Variants in CLVS1 observed in about 807,000 individuals in gnomAD.
CLVS1 encodes the protein clavesin 1, also known as clavesin-1.
In CLVS1, 10 loss-of-function variants were observed where a neutral mutation model predicts 33.1. The observed-to-expected ratio is 0.30, with a 90% confidence interval of 0.19 to 0.51. CLVS1 has a LOEUF of 0.51. Ranked by LOEUF, CLVS1 falls within the 20% of genes least tolerant of loss-of-function variation. The pLI is 0.97. For missense variants in CLVS1, 343 were observed against 433.4 expected, an observed-to-expected ratio of 0.79 and a Z score of 1.85; for synonymous variants, 163 against 166.1, an observed-to-expected ratio of 0.98 and a Z score of 0.14.
chr8:61,007,529 C>T, the CLVS1 span, among the ~76,000 whole-genome samples: 1 of 152,306 alleles, frequency 6.6e-6, no homozygotes, highest in South Asian at 2.1e-4. Context: ...AAACCTGAGA[C>T]AGGCATAGAA....
Position 61,366,590 on chromosome 8 carries a change from G to A in CLVS1, c.456-10015G>A, listed in dbSNP as rs1440765841. The stretch of plus-strand genomic sequence containing the variant: ...AGAGTAAGGAAATTCAACCACTAGT[G>A]ATCTCAGTGTTGGTCAAGGCAAGTT... On this transcript the variant is annotated intron_variant, in intron 2 of 5. Transcript: ENST00000325897. Among the ~76,000 whole-genome samples the A allele has an allele frequency of 2.6e-5, 4 of 152,170 alleles. No homozygotes were observed. The South Asian group carries it at 8.3e-4, about 31-fold the overall frequency.
At chr8:61,039,136 A>T in the CLVS1 span, among the ~76,000 whole-genome samples, 4 of 152,270 alleles carry the variant, frequency 2.6e-5, no homozygotes, top group East Asian at 7.7e-4. Flanking sequence ...GTATTTTTAT[A>T]TGTGTTATAT....
chr8:61,195,034 T>C (rs1276672679), intron 2 of CLVS1, among the ~76,000 whole-genome samples: 1 of 151,902 alleles, frequency 6.6e-6, no homozygotes, highest in East Asian at 1.9e-4. Flanking sequence ...GAAAATATTA[T>C]ATATCAAAAC....
At chr8:61,310,916 G>A (rs1478608623) in intron 2 of CLVS1, among the ~76,000 whole-genome samples, 1 of 152,172 alleles carries the variant, frequency 6.6e-6, no homozygotes, top group African/African-American at 2.4e-5. Context: ...TACCAGTGTT[G>A]TGACCTTGGC....
At chr8:61,428,427 T>A (rs1815976085) in intron 3 of CLVS1, among the ~76,000 whole-genome samples, 1 of 152,138 alleles carries the variant, frequency 6.6e-6, no homozygotes, top group Non-Finnish European at 1.5e-5. Context: ...TGGCTAATAA[T>A]AAAATAGTAA....
intron 2 of CLVS1, among the ~76,000 whole-genome samples, chr8:61,206,114 C>T (rs1361896964): frequency 6.6e-6 from 1 of 152,114 alleles, no homozygotes; most frequent in African/African-American, 2.4e-5. Flanking sequence ...TCATTCTATT[C>T]AGCAAATTTG....
intron 1 of CLVS1, among the ~76,000 whole-genome samples, chr8:61,088,110 C>T (rs1445204542): frequency 6.6e-6 from 1 of 152,198 alleles, no homozygotes; most frequent in Non-Finnish European, 1.5e-5. Flanking sequence ...TAATTGTGTG[C>T]TTCACTGATT....
At chr8:61,421,152 C>T (rs1348418431) in intron 3 of CLVS1, among the ~76,000 whole-genome samples, 3 of 152,114 alleles carry the variant, frequency 2.0e-5, no homozygotes, top group Non-Finnish European at 4.4e-5. Context: ...GAGGCAGACT[C>T]TTTGAAACAT....
chr8:61,048,513 C>G, the CLVS1 span, among the ~76,000 whole-genome samples: 1,638 of 152,274 alleles, frequency 0.011, 21 homozygotes, highest in African/African-American at 0.037. Flanking sequence ...CTGTGTGTGC[C>G]AGTAGCTAAC....
chr8:61,224,810 A>G (rs1162474535), intron 2 of CLVS1, among the ~76,000 whole-genome samples: 1 of 152,188 alleles, frequency 6.6e-6, no homozygotes, highest in Non-Finnish European at 1.5e-5. Context: ...TATCCTAAAT[A>G]TATATGCACC....
chr8:61,336,644 A>G (rs965531196), intron 2 of CLVS1, among the ~76,000 whole-genome samples: 10 of 152,350 alleles, frequency 6.6e-5, no homozygotes, highest in African/African-American at 2.2e-4. Context: ...GGAGACTTAC[A>G]GAAGCTAGTC....
intron 2 of CLVS1, among the ~76,000 whole-genome samples, chr8:61,153,757 C>T (rs2129295318): frequency 6.6e-6 from 1 of 152,196 alleles, no homozygotes; most frequent in African/African-American, 2.4e-5. Context: ...TGTTCGCTGC[C>T]ATCTGTCCCT....
chr8:61,386,325 C>T (rs1814082414), intron 3 of CLVS1, among the ~76,000 whole-genome samples: 1 of 152,220 alleles, frequency 6.6e-6, no homozygotes, highest in South Asian at 2.1e-4. Context: ...CCCCGGACTT[C>T]ATAAATCTTT....
At chr8:61,024,620 C>T in the CLVS1 span, among the ~76,000 whole-genome samples, 1 of 152,080 alleles carries the variant, frequency 6.6e-6, no homozygotes. Flanking sequence ...TCTCTCTCTC[C>T]CCCCAGTCAA....
At chr8:61,082,461 G>C (rs954968331) in intron 1 of CLVS1, among the ~76,000 whole-genome samples, 1 of 151,706 alleles carries the variant, frequency 6.6e-6, no homozygotes, top group Non-Finnish European at 1.5e-5. Flanking sequence ...GCATGAATCA[G>C]GAAAAATACC....
chr8:61,150,922 G>A (rs945039209), intron 2 of CLVS1, among the ~76,000 whole-genome samples: 1 of 152,160 alleles, frequency 6.6e-6, no homozygotes, highest in African/African-American at 2.4e-5. Flanking sequence ...CCTGCAGCAG[G>A]TGAGTTGGCC....
chr8:61,232,021 TG>T (rs1419877041), intron 2 of CLVS1, among the ~76,000 whole-genome samples: 1,078 of 104,124 alleles, frequency 0.01, 241 homozygotes, highest in African/African-American at 0.051. Context: ...AGGAAAGTTG[TG>T]GTTTTTTTTT....
intron 2 of CLVS1, among the ~76,000 whole-genome samples, chr8:61,134,922 A>G (rs1010977048): frequency 6.6e-6 from 1 of 152,040 alleles, no homozygotes; most frequent in African/African-American, 2.4e-5. Flanking sequence ...TGCTGACCAC[A>G]GATAGAGATA....
At chr8:61,471,773 A>G (rs557228746) in intron 5 of CLVS1, among the ~76,000 whole-genome samples, 5 of 152,294 alleles carry the variant, frequency 3.3e-5, no homozygotes, top group African/African-American at 1.2e-4. Flanking sequence ...CCTGGAGGAC[A>G]ATTACATTTT....
Sources: gnomAD v4.1 joint callset for allele counts (sites outside exome capture counted in the v4.1 genomes callset) on GRCh38, gnomAD v4.1.1 for gene constraint, MANE v1.5 for transcripts, NCBI Gene and HGNC (gene_info 2026-07-23, HGNC 2026-07-21) for gene names.